NUDT3: variants seen among roughly 807,000 people sequenced by gnomAD.
NUDT3 encodes the protein nudix hydrolase 3.
In NUDT3, 9 loss-of-function variants were observed where a neutral mutation model predicts 23.6. The ratio of observed to expected loss-of-function variants is 0.38; its 90% CI spans 0.23 to 0.66. The LOEUF (loss-of-function observed/expected upper bound fraction) is 0.66, where lower values mean the gene tolerates loss of function less well. NUDT3 is among the 30% of genes least tolerant of loss of function. NUDT3 has a pLI of 0.52. For synonymous variants in NUDT3, 86 were observed against 82.6 expected, an observed-to-expected ratio of 1.04 and a Z score of -0.22; for missense variants, 172 against 218.5, an observed-to-expected ratio of 0.79 and a Z score of 1.34.
chr6:34,369,124 G>T (rs183582789), intron 1 of NUDT3, among the ~76,000 whole-genome samples: 1 of 152,260 alleles, frequency 6.6e-6, no homozygotes, highest in Non-Finnish European at 1.5e-5. Flanking sequence ...GTATAGAAAT[G>T]TATGTTAACA....
chr6:34,319,989 G>A (rs991660850), intron 2 of NUDT3, among the ~76,000 whole-genome samples: 3 of 149,796 alleles, frequency 2.0e-5, no homozygotes, highest in Non-Finnish European at 3.0e-5. Flanking sequence ...AACCTGAGAC[G>A]AAAACATCTA....
chr6:34,384,844 T>C (rs1009342906), intron 1 of NUDT3, among the ~76,000 whole-genome samples: 4 of 150,256 alleles, frequency 2.7e-5, no homozygotes, highest in African/African-American at 9.8e-5. Flanking sequence ...CCAGCCTGAG[T>C]AACATAGTGA....
chr6:34,385,273 T>C (rs1765086770), intron 1 of NUDT3, among the ~76,000 whole-genome samples: 1 of 151,780 alleles, frequency 6.6e-6, no homozygotes, highest in South Asian at 2.1e-4. Flanking sequence ...CTGGGAAACA[T>C]GAGACCTCAT....
chr6:34,301,556 C>T (rs73744875), intron 2 of NUDT3, among the ~76,000 whole-genome samples: 2,430 of 152,358 alleles, frequency 0.016, 65 homozygotes, highest in African/African-American at 0.056. Flanking sequence ...GGATGAAAGA[C>T]CACAGCTGTC....
chr6:34,343,140 T>C (rs1366993021), intron 1 of NUDT3, among the ~76,000 whole-genome samples: 2 of 152,190 alleles, frequency 1.3e-5, no homozygotes, highest in Admixed American at 6.5e-5. Flanking sequence ...AACTTACAAG[T>C]ACTATTTTTC....
At chr6:34,379,219 CAT>C (rs1764973280) in intron 1 of NUDT3, among the ~76,000 whole-genome samples, 1 of 151,982 alleles carries the variant, frequency 6.6e-6, no homozygotes, top group African/African-American at 2.4e-5. Context: ...AAATGTGTGA[CAT>C]AGTATAAAAG....
At chr6:34,355,251 T>C (rs1478657457) in intron 1 of NUDT3, among the ~76,000 whole-genome samples, 1 of 152,226 alleles carries the variant, frequency 6.6e-6, no homozygotes, top group Non-Finnish European at 1.5e-5. Flanking sequence ...TTGGATTTTG[T>C]CAAATGCTTT....
chr6:34,388,502 G>C (rs1236968991), intron 1 of NUDT3, among the ~76,000 whole-genome samples: 5 of 152,100 alleles, frequency 3.3e-5, no homozygotes, highest in Admixed American at 6.6e-5. Context: ...TTCCCACAAT[G>C]TGTGGCAGCT....
intron 1 of NUDT3, 141 bp from the exon 2 acceptor site, chr6:34,342,113 T>C (rs938107337): frequency 6.9e-6 from 5 of 720,736 alleles, no homozygotes; most frequent in Non-Finnish European, 1.1e-5. Flanking sequence ...TCTTGCAAAG[T>C]AGCTTTCGTT....
chr6:34,316,909 T>C (rs1763870147), intron 2 of NUDT3, among the ~76,000 whole-genome samples: 1 of 152,056 alleles, frequency 6.6e-6, no homozygotes, highest in South Asian at 2.1e-4. Flanking sequence ...TTGCCTACTG[T>C]GTTGAAAGTA....
At chr6:34,302,241 G>A (rs761344615) in intron 2 of NUDT3, among the ~76,000 whole-genome samples, 16 of 151,742 alleles carry the variant, frequency 1.1e-4, no homozygotes, top group Admixed American at 2.0e-4. Flanking sequence ...TGTTGCCCAG[G>A]CTGGTCTCAA....
intron 1 of NUDT3, among the ~76,000 whole-genome samples, chr6:34,371,329 G>A (rs557320778): frequency 1.3e-5 from 2 of 151,758 alleles, no homozygotes; most frequent in South Asian, 2.1e-4. Context: ...TTAGCTGGGC[G>A]TGGTGGCGTG....
intron 1 of NUDT3, among the ~76,000 whole-genome samples, chr6:34,383,410 G>T (rs1765055935): frequency 6.6e-6 from 1 of 152,042 alleles, no homozygotes; most frequent in African/African-American, 2.4e-5. Context: ...TGGAGCCAGG[G>T]TCTCTCTCAC....
chr6:34,305,709 T>C (rs1248569116), intron 2 of NUDT3, among the ~76,000 whole-genome samples: 2 of 152,250 alleles, frequency 1.3e-5, no homozygotes, highest in African/African-American at 2.4e-5. Context: ...CCGTAAGTCA[T>C]GATGTGAAGT....
Position 34,281,757 on chromosome 6 carries a change from A to G in NUDT3, c.*6996T>C, listed in dbSNP as rs536263919. The G allele has an allele frequency of 1.3e-5, 2 of 152,336 alleles. No homozygotes were observed. The highest frequency in any genetic ancestry group is 4.8e-5 in the African/African-American group (2 of 41,570). The allele number at this position is 152,336 out of a possible 1,614,324, so 9.4% of individuals were successfully genotyped here. ...AAAGAGTGAGATTCTCAGAGGCTAA[A>G]CAACATTCTGGGAGCAAATTGGATT... On this transcript the variant is annotated 3_prime_UTR_variant, in exon 5 of 5. Transcript: ENST00000607016.
rs984664941 is a variant in NUDT3, at chr6:34,283,938, C to A, written c.*4815G>T. The A allele has an allele frequency of 6.6e-6, 1 of 152,212 alleles. No homozygotes were observed. 9.4% of individuals were successfully genotyped at this position (152,212 alleles called of 1,614,324 possible). A position where few individuals can be genotyped will look rare whatever the true frequency, so the allele number is the denominator to read the frequency against. ...GGTGAAGTCTCCGCTGCAAAACTCA[C>A]GAAACAGCACAGAGGATGACTCTAG... On this transcript the variant is annotated 3_prime_UTR_variant, in exon 5 of 5. Coordinates refer to ENST00000607016, the MANE Select transcript of NUDT3 (RefSeq NM_006703.4).
intron 1 of NUDT3, among the ~76,000 whole-genome samples, chr6:34,374,345 T>C (rs1259006420): frequency 6.6e-6 from 1 of 152,152 alleles, no homozygotes; most frequent in African/African-American, 2.4e-5. Context: ...CATGTCTATG[T>C]TTACTTCCAG....
In NUDT3 at chr6:34,288,657, G is replaced by T; in HGVS notation, c.*96C>A. 6.8e-7 allele frequency: 1 copy of T among 1,465,658 alleles called. No individual in the cohort carries two copies. The highest frequency in any genetic ancestry group is 1.4e-5 in the South Asian group (1 of 72,088). The allele number at this position is 1,465,658 out of a possible 1,614,324, so 90.8% of individuals were successfully genotyped here. On this transcript the variant is annotated 3_prime_UTR_variant, in exon 5 of 5. Transcript: ENST00000607016. ...TGCCCACCATGCCTTATTTGAAAGA[G>T]GAGGCCTGTGAGAAGTGGAAAGAGC...
At chr6:34,341,759 A>G in intron 2 of NUDT3, 103 bp downstream of exon 2, 2 of 962,778 alleles carry the variant, frequency 2.1e-6, no homozygotes, top group South Asian at 4.2e-5. Context: ...TTTTTCTGTG[A>G]CTGTATATTT....
Sources: gnomAD v4.1 joint callset for allele counts (sites outside exome capture counted in the v4.1 genomes callset) on GRCh38, gnomAD v4.1.1 for gene constraint, MANE v1.5 for transcripts, NCBI Gene and HGNC (gene_info 2026-07-23, HGNC 2026-07-21) for gene names.